RBFOX1: variants seen among roughly 807,000 people sequenced by gnomAD.
RBFOX1 encodes the protein RNA binding fox-1 homolog 1.
RBFOX1 carries 8 observed loss-of-function variants against 57.7 expected under a neutral mutation model. The observed-to-expected ratio is 0.14, with a 90% CI of 0.08 to 0.25. The LOEUF (loss-of-function observed/expected upper bound fraction) is 0.25, where lower values mean the gene tolerates loss of function less well. Ranked by LOEUF, RBFOX1 falls within the 10% of genes least tolerant of loss-of-function variation. The pLI is 1.00. For missense variants in RBFOX1, 611 were observed against 548.5 expected (o/e 1.11, Z -1.14); for synonymous variants, 326 against 222.4 (o/e 1.47, Z -4.15).
intron 1 of RBFOX1, among the ~76,000 whole-genome samples, chr16:5,449,836 G>A (rs542332830): frequency 3.3e-5 from 5 of 152,034 alleles, no homozygotes; most frequent in African/African-American, 7.2e-5. Flanking sequence ...TCAAACTCCC[G>A]GATTCAAGTG....
chr16:5,613,273 C>T (rs1567299101), intron 3 of RBFOX1, among the ~76,000 whole-genome samples: 2 of 152,334 alleles, frequency 1.3e-5, no homozygotes, highest in South Asian at 2.1e-4. Flanking sequence ...TCAGAACACA[C>T]ATATGCCTGC....
intron 3 of RBFOX1, among the ~76,000 whole-genome samples, chr16:6,899,941 G>C (rs77707136): frequency 0.083 from 12,597 of 152,186 alleles, 696 homozygotes; most frequent in Non-Finnish European, 0.12. Context: ...ACTATGTTTA[G>C]TCTTAATAGC....
chr16:7,693,404 AG>A (rs1289619315), intron 14 of RBFOX1: 1 of 1,415,710 alleles, frequency 7.1e-7, no homozygotes, highest in African/African-American at 1.5e-5. Context: ...CATCCATCCA[AG>A]TCTCAGTATC....
At chr16:7,174,880 G>A (rs2081356822) in intron 4 of RBFOX1, among the ~76,000 whole-genome samples, 1 of 152,190 alleles carries the variant, frequency 6.6e-6, no homozygotes, top group African/African-American at 2.4e-5. Context: ...CATCCAGGTT[G>A]TGCCACATCC....
intron 3 of RBFOX1, among the ~76,000 whole-genome samples, chr16:7,018,282 T>G (rs2153667087): frequency 6.6e-6 from 1 of 152,320 alleles, no homozygotes; most frequent in East Asian, 1.9e-4. Flanking sequence ...GCAAGGGGAC[T>G]TCTAATATTT....
intron 3 of RBFOX1, among the ~76,000 whole-genome samples, chr16:6,843,633 G>C (rs1262143409): frequency 6.6e-6 from 1 of 152,186 alleles, no homozygotes; most frequent in East Asian, 1.9e-4. Context: ...AGCTTGCAGT[G>C]AGCCGACATC....
intron 3 of RBFOX1, among the ~76,000 whole-genome samples, chr16:7,029,255 C>CATAT (rs201005193): frequency 1.0e-5 from 1 of 95,970 alleles, no homozygotes; most frequent in Non-Finnish European, 1.8e-5. Flanking sequence ...TATATATACA[C>CATAT]ACATATATAT....
intron 3 of RBFOX1, among the ~76,000 whole-genome samples, chr16:7,040,732 G>T (rs1341095633): frequency 1.3e-5 from 2 of 152,166 alleles, no homozygotes; most frequent in Non-Finnish European, 2.9e-5. Context: ...GGTTAAAAAT[G>T]ATTTTAACTT....
intron 1 of RBFOX1, among the ~76,000 whole-genome samples, chr16:5,303,613 G>A (rs537490094): frequency 2.6e-5 from 4 of 152,176 alleles, no homozygotes; most frequent in African/African-American, 9.6e-5. Flanking sequence ...TCCAAACAGC[G>A]CTTGGGTCCC....
intron 2 of RBFOX1, among the ~76,000 whole-genome samples, chr16:6,557,525 A>G (rs549789984): frequency 1.6e-4 from 21 of 134,526 alleles, no homozygotes; most frequent in African/African-American, 7.4e-4. Context: ...TGGAATTACT[A>G]AAAGTTGGCG....
chr16:7,655,736 C>T (rs902669109), intron 12 of RBFOX1, among the ~76,000 whole-genome samples: 5 of 152,052 alleles, frequency 3.3e-5, no homozygotes, highest in Non-Finnish European at 5.9e-5. Flanking sequence ...GTTCTCAGTA[C>T]ATGGGAGTTG....
chr16:7,235,030 C>A (rs549777602), intron 4 of RBFOX1, among the ~76,000 whole-genome samples: 1 of 152,010 alleles, frequency 6.6e-6, no homozygotes, highest in African/African-American at 2.4e-5. Context: ...CAAGGCAAGT[C>A]GAAGTGCTAT....
chr16:7,168,043 CCTT>C (rs2079925813), intron 4 of RBFOX1, among the ~76,000 whole-genome samples: 1 of 152,016 alleles, frequency 6.6e-6, no homozygotes, highest in Non-Finnish European at 1.5e-5. Context: ...GTTTTTTCCT[CCTT>C]AGAGGAAAAA....
intron 1 of RBFOX1, among the ~76,000 whole-genome samples, chr16:5,311,162 G>T (rs1464789117): frequency 3.3e-5 from 5 of 152,122 alleles, no homozygotes; most frequent in Non-Finnish European, 5.9e-5. Context: ...TGCTGCAAAA[G>T]ACATTATTTC....
chr16:6,147,392 C>T (rs1408358545), intron 1 of RBFOX1, among the ~76,000 whole-genome samples: 1 of 152,162 alleles, frequency 6.6e-6, no homozygotes, highest in Non-Finnish European at 1.5e-5. Context: ...GTCCCAAGCA[C>T]CCGGGAGCAT....
intron 4 of RBFOX1, among the ~76,000 whole-genome samples, chr16:7,327,872 T>C (rs1390299699): frequency 1.3e-5 from 2 of 152,124 alleles, no homozygotes; most frequent in Admixed American, 6.5e-5. Flanking sequence ...TCCCCTTCTG[T>C]GGACTGGACT....
Position 6,187,164 on chromosome 16 carries a change from T to A in RBFOX1, c.-126-129831T>A, listed in dbSNP as rs377681356. ...GTTATTGTCATGCTTGGCCCTATCATACAAAGCCCTGATGCTTTCATGGGG... is the reference window on the plus strand; with the variant it reads ...GTTATTGTCATGCTTGGCCCTATCAAACAAAGCCCTGATGCTTTCATGGGG... On this transcript the variant is annotated intron_variant, in intron 1 of 15. Coordinates refer to ENST00000550418, the MANE Select transcript of RBFOX1 (RefSeq NM_018723.4). Among the ~76,000 whole-genome samples the A allele has an allele frequency of 3.3e-5, 5 of 152,114 alleles. No homozygotes were observed. The East Asian group carries it at 5.8e-4, about 18-fold the overall frequency.
At chr16:6,163,983 G>T (rs2096897906) in intron 1 of RBFOX1, among the ~76,000 whole-genome samples, 1 of 152,200 alleles carries the variant, frequency 6.6e-6, no homozygotes, top group Non-Finnish European at 1.5e-5. Flanking sequence ...TAGAGACACA[G>T]ATTAACATAT....
chr16:6,895,075 ATAAT>A (rs1202237401), intron 3 of RBFOX1, among the ~76,000 whole-genome samples: 1 of 151,608 alleles, frequency 6.6e-6, no homozygotes, highest in Non-Finnish European at 1.5e-5. Flanking sequence ...TCTTTAATAA[ATAAT>A]CTAATGACTT....
Sources: allele counts gnomAD v4.1 joint callset (sites outside exome capture counted in the v4.1 genomes callset), GRCh38; gene constraint gnomAD v4.1.1; transcripts MANE v1.5; gene names NCBI Gene and HGNC (gene_info 2026-07-23, HGNC 2026-07-21).